PLEKHA6: variants seen among roughly 807,000 people sequenced by gnomAD.
PLEKHA6 encodes pleckstrin homology domain-containing family A member 6.
PLEKHA6 carries 60 observed loss-of-function variants against 116.7 expected under a neutral mutation model. The ratio of observed to expected loss-of-function variants is 0.51; its 90% CI spans 0.42 to 0.64. The LOEUF (loss-of-function observed/expected upper bound fraction) is 0.64. PLEKHA6 is among the 30% of genes least tolerant of loss of function. The pLI, the probability that PLEKHA6 is intolerant of heterozygous loss-of-function variation, is 0.00. For synonymous variants in PLEKHA6, 489 were observed against 556.1 expected (o/e 0.88, Z 1.70); for missense variants, 1,338 against 1,422.7 (o/e 0.94, Z 0.96).
intron 1 of PLEKHA6, among the ~76,000 whole-genome samples, chr1:204,278,206 C>A (rs184743869): frequency 6.6e-6 from 1 of 152,348 alleles, no homozygotes; most frequent in Admixed American, 6.5e-5. Context: ...TCATCGCTGC[C>A]ATCCCCCTGC....
At chr1:204,355,961 T>C (rs572219487) in intron 1 of PLEKHA6, among the ~76,000 whole-genome samples, 7 of 149,084 alleles carry the variant, frequency 4.7e-5, no homozygotes, top group African/African-American at 1.7e-4. Flanking sequence ...ATACTCAATG[T>C]TGATGCTCAT....
At chr1:204,280,460 C>T (rs1668482161) in intron 1 of PLEKHA6, 1 of 985,130 alleles carries the variant, frequency 1.0e-6, no homozygotes. Context: ...TCTTGATTAT[C>T]TGCTGTACAC....
Position 204,268,199 on chromosome 1 carries a change from TG to T in PLEKHA6, c.207+8del. The T allele has an allele frequency of 6.3e-7, 1 of 1,585,702 alleles. No individual in the cohort carries two copies. The highest frequency in any genetic ancestry group is 8.6e-7 in the Non-Finnish European group (1 of 1,157,778). ...GGCTACGGTGGCCAGAACCGCAGGG[TG>T]GCCTCACCTGTTTGAAGAGCCAGCC... On this transcript the variant is annotated splice_region_variant and intron_variant, in intron 4 of 22. Coordinates refer to ENST00000272203, the MANE Select transcript of PLEKHA6 (RefSeq NM_014935.5).
chr1:204,257,808 GGGA>G lies in PLEKHA6; in HGVS notation c.1066_1068del (p.Ser356del), dbSNP rs776870109. On this transcript the variant is annotated inframe_deletion, in exon 9 of 23. Coordinates refer to ENST00000272203, the MANE Select transcript of PLEKHA6 (RefSeq NM_014935.5). This position sits in a 1 kb window ranked among gnomAD's most constrained non-coding sequence, Gnocchi z 6.5. ...TAGTACTGATAATCATCGGGGTACTGGGAGGAGTAGGGGCCATAGTACTCAGGG... is the reference window on the plus strand; with the variant it reads ...TAGTACTGATAATCATCGGGGTACTGGGAGTAGGGGCCATAGTACTCAGGG... 2 of 1,613,906 alleles carry G rather than the reference GGGA, an allele frequency of 1.2e-6. No homozygotes were observed. The highest frequency in any genetic ancestry group is 2.7e-5 in the African/African-American group (2 of 74,900).
At chr1:204,362,340 C>T (rs779762759), upstream of PLEKHA6, among the ~76,000 whole-genome samples, 4 of 152,162 alleles carry the variant, frequency 2.6e-5, no homozygotes, top group African/African-American at 4.8e-5. Context: ...ACAGAAAGCA[C>T]CTCTGCGATC....
chr1:204,342,244 C>T (rs919296604), intron 1 of PLEKHA6, among the ~76,000 whole-genome samples: 3 of 150,404 alleles, frequency 2.0e-5, no homozygotes, highest in Non-Finnish European at 4.4e-5. Flanking sequence ...CAGTGGTGCA[C>T]GCTTGTAGTC....
At chr1:204,236,718 GTATT>G (rs1316253066) in intron 17 of PLEKHA6, among the ~76,000 whole-genome samples, 1 of 152,028 alleles carries the variant, frequency 6.6e-6, no homozygotes, top group Non-Finnish European at 1.5e-5. Context: ...ATTAATCCTG[GTATT>G]CCTAGAAGTG....
chr1:204,257,876 G>A lies in PLEKHA6; in HGVS notation c.1008-7C>T, dbSNP rs1665568944. 1.3e-6 allele frequency: 2 copies of A among 1,593,028 alleles called. No individual in the cohort carries two copies. The highest frequency in any genetic ancestry group is 1.7e-6 in the Non-Finnish European group (2 of 1,165,456). ...AGGATAGAACCTAGAGGGACTGAGA[G>A]AGAGGGGACATTGTAATGAAGGCAG... On this transcript the variant is annotated splice_region_variant and splice_polypyrimidine_tract_variant and intron_variant, in intron 8 of 22. Coordinates refer to ENST00000272203, the MANE Select transcript of PLEKHA6 (RefSeq NM_014935.5). This position sits in a 1 kb window ranked among gnomAD's most constrained non-coding sequence, Gnocchi z 6.5.
intron 1 of PLEKHA6, among the ~76,000 whole-genome samples, chr1:204,320,958 G>C (rs1484035439): frequency 1.3e-5 from 2 of 152,202 alleles, no homozygotes; most frequent in Non-Finnish European, 2.9e-5. Flanking sequence ...GAAGCAGGAG[G>C]CTATTTCCAA....
At chr1:204,331,632 T>C (rs1049139561) in intron 1 of PLEKHA6, among the ~76,000 whole-genome samples, 3 of 151,860 alleles carry the variant, frequency 2.0e-5, no homozygotes, top group African/African-American at 4.8e-5. Flanking sequence ...ACATAGAAGG[T>C]GAGAGAATCA....
At chr1:204,319,621 G>C (rs1023335892) in intron 1 of PLEKHA6, among the ~76,000 whole-genome samples, 3 of 152,142 alleles carry the variant, frequency 2.0e-5, no homozygotes, top group Admixed American at 6.5e-5. Context: ...TCAGAAGCAG[G>C]TATTTCTGAG....
intron 17 of PLEKHA6, among the ~76,000 whole-genome samples, chr1:204,234,973 T>TAACTAATAGC (rs1432516355): frequency 3.8e-3 from 45 of 11,926 alleles, no homozygotes; most frequent in Middle Eastern, 0.033. Context: ...TATATATATA[T>TAACTAATAGC]ATATATATAT....
intron 1 of PLEKHA6, among the ~76,000 whole-genome samples, chr1:204,279,827 A>T (rs1668413873): frequency 6.6e-6 from 1 of 152,200 alleles, no homozygotes; most frequent in African/African-American, 2.4e-5. Flanking sequence ...TGTGTAAATG[A>T]GGTACCTTCT....
In PLEKHA6 at chr1:204,230,536, G is replaced by T; in HGVS notation, c.2460C>A (p.Ser820Arg). Residue 820 changes from serine (S) to arginine (R), a missense_variant, in exon 18 of 23, where the codon AGC becomes AGA. Transcript: ENST00000272203. ...VFPGEGKVKM[S>R]VEEQIDRMRR... ...GCATTCGGTCAATCTGCTCCTCCAC[G>T]CTCATCTTGACCTTCCCCTCGCCAG... The T allele has an allele frequency of 6.2e-7, 1 of 1,600,982 alleles. No homozygotes were observed. Among genetic ancestry groups the T allele is most frequent in the Non-Finnish European group, 8.5e-7 (1 of 1,174,130 alleles).
intron 9 of PLEKHA6, among the ~76,000 whole-genome samples, chr1:204,254,413 C>T (rs1664998431): frequency 6.6e-6 from 1 of 152,154 alleles, no homozygotes; most frequent in Admixed American, 6.5e-5. Context: ...ACTAGAAGAA[C>T]CAACAGTTGC....
rs1343434991 is a variant in PLEKHA6 at position 204,277,876 on chromosome 1, G to C, written c.-94-3067C>G. 5 of 152,294 alleles carry C rather than the reference G, an allele frequency of 3.3e-5. No homozygotes were observed. Among genetic ancestry groups the C allele is most frequent in the Admixed American group, 3.3e-4 (5 of 15,286 alleles). The allele number at this position is 152,294 out of a possible 1,614,324, so 9.4% of individuals were successfully genotyped here. ...AGAAGCAAGTCGACCAGATGGGCGTGGATGCTGTGGAACCAGAGCTGGTGG... is the reference window on the plus strand; with the variant it reads ...AGAAGCAAGTCGACCAGATGGGCGTCGATGCTGTGGAACCAGAGCTGGTGG... On this transcript the variant is annotated intron_variant, in intron 1 of 22. Coordinates refer to ENST00000272203, the MANE Select transcript of PLEKHA6 (RefSeq NM_014935.5). This position sits in a 1 kb window ranked among gnomAD's most constrained non-coding sequence, Gnocchi z 4.1.
At chr1:204,295,075 G>T (rs1373792513) in intron 1 of PLEKHA6, among the ~76,000 whole-genome samples, 2 of 152,214 alleles carry the variant, frequency 1.3e-5, no homozygotes, top group African/African-American at 4.8e-5. Flanking sequence ...AATCTCAAAT[G>T]TGAGGGAGGT....
chr1:204,256,825 A>G, intron 9 of PLEKHA6: 2 of 655,952 alleles, frequency 3.0e-6, no homozygotes. Context: ...ACCGTGGGGG[A>G]TGGTGGGTAG....
At chr1:204,251,315 A>AT (rs1174947838) in intron 9 of PLEKHA6, among the ~76,000 whole-genome samples, 3 of 152,304 alleles carry the variant, frequency 2.0e-5, no homozygotes, top group South Asian at 2.1e-4. Flanking sequence ...GGTGCTGGCT[A>AT]TTTTGATGGT....
Sources: gnomAD v4.1 joint callset for allele counts (sites outside exome capture counted in the v4.1 genomes callset) on GRCh38, gnomAD v4.1.1 for gene constraint, Gnocchi (gnomAD v3.1) non-coding constraint, MANE v1.5 for transcripts, NCBI Gene and HGNC (gene_info 2026-07-23, HGNC 2026-07-21) for gene names.